The following ELAC2 variants were observed in gnomAD, a reference collection of about 807,000 sequenced individuals.
ELAC2 encodes elaC ribonuclease Z 2, also known as zinc phosphodiesterase ELAC protein 2.
ELAC2 carries 92 observed loss-of-function variants against 105.2 expected under a neutral mutation model. That is an observed-to-expected ratio of 0.87 (90% CI 0.74 to 1.04). The LOEUF is 1.04. ELAC2 is among the 50% of genes least tolerant of loss of function. The probability of loss-of-function intolerance (pLI) is 0.00; values close to 1 mark genes in which losing one functional copy is unlikely to be tolerated. For synonymous variants in ELAC2, 468 were observed against 409.1 expected (o/e 1.14, Z -1.74); for missense variants, 1,099 against 1,071.7 (o/e 1.03, Z -0.36).
intron 16 of ELAC2, among the ~76,000 whole-genome samples, chr17:12,998,088 A>G (rs1162033597): frequency 6.6e-6 from 1 of 152,224 alleles, no homozygotes; most frequent in African/African-American, 2.4e-5. Context: ...ACTCATCAAC[A>G]AAATGGGTAG....
rs1352591767 is a variant in ELAC2 at position 12,993,711 on chromosome 17, C to T, written c.2229G>A (p.Val743=). Residue 743 remains valine (V), a synonymous_variant, in exon 23 of 24, where the codon GTG becomes GTA. Transcript: ENST00000338034. ...CCTTCATGTGGTCAAAGGCAACTCCCACTTTCTCGCTGAAGTTGGGGCTGA... is the reference window on the plus strand; with the variant it reads ...CCTTCATGTGGTCAAAGGCAACTCCTACTTTCTCGCTGAAGTTGGGGCTGA... The part of the protein sequence containing the change: ...PLFSPNFSEK[V]GVAFDHMKVC... The T allele has an allele frequency of 1.9e-6, 3 of 1,614,086 alleles. No individual in the cohort carries two copies. The highest frequency in any genetic ancestry group is 2.5e-6 in the Non-Finnish European group (3 of 1,180,040).
chr17:13,017,779 T>G lies in ELAC2; in HGVS notation c.169A>C (p.Thr57Pro). ...GCTGCCACCACCTGCAGGTACACGG[T>G]GTTTGGGCCGCCGGAGCACCCCGAC... ...GPSGCSGGPN[T>P]VYLQVVAAGS... The change falls in exon 1 of 24, where the codon ACC becomes CCC. Residue 57 changes from threonine to proline, a missense_variant. Coordinates refer to ENST00000338034, the MANE Select transcript of ELAC2 (RefSeq NM_018127.7). The G allele has an allele frequency of 6.2e-7, 1 of 1,610,348 alleles. No homozygotes were observed. Among genetic ancestry groups the G allele is most frequent in the Non-Finnish European group, 8.5e-7 (1 of 1,178,876 alleles).
At chr17:13,014,576 C>T in intron 4 of ELAC2, 80 bp from the exon 5 acceptor site, 1 of 1,007,306 alleles carries the variant, frequency 9.9e-7, no homozygotes, top group Non-Finnish European at 1.6e-6. Flanking sequence ...TAAAAGGTTA[C>T]CAATAGGTAT....
chr17:13,003,410 G>A (rs899780964), intron 12 of ELAC2, 69 bp downstream of exon 12: 4 of 1,410,234 alleles, frequency 2.8e-6, no homozygotes, highest in Non-Finnish European at 4.0e-6. Flanking sequence ...AAGAGCACGA[G>A]GGGAGGAAAG....
chr17:12,999,964 G>C (rs1296347544), intron 15 of ELAC2, among the ~76,000 whole-genome samples, 192 bp downstream of exon 15: 1 of 152,128 alleles, frequency 6.6e-6, no homozygotes, highest in Non-Finnish European at 1.5e-5. Flanking sequence ...GCCAGGAATT[G>C]GGATTCTTAA....
At chr17:12,997,471 G>A (rs573491737) in intron 16 of ELAC2, among the ~76,000 whole-genome samples, 1 of 152,282 alleles carries the variant, frequency 6.6e-6, no homozygotes, top group South Asian at 2.1e-4. Flanking sequence ...GCGGAGGCAA[G>A]GTGGCAATAG....
At position 13,010,917 on chromosome 17, in the gene ELAC2, A is replaced by AT. The variant is rs560195478; in HGVS notation, c.680-247dup. Among the ~76,000 whole-genome samples the AT allele has an allele frequency of 7.5e-4, 114 of 152,282 alleles. No individual in the cohort carries two copies. The Middle Eastern group carries it at 0.01, about 14-fold the overall frequency. ...GAAAAACTTTAGAATGGCAAGTGAA[A>AT]TTTTTTTTAAATGACACATTTCACC... is the stretch of plus-strand genomic sequence containing the variant. On this transcript the variant is annotated intron_variant, in intron 7 of 23. Coordinates refer to ENST00000338034, the MANE Select transcript of ELAC2 (RefSeq NM_018127.7).
At chr17:12,996,794 T>C in intron 16 of ELAC2, 109 bp from the exon 17 acceptor site, 19 of 1,462,202 alleles carry the variant, frequency 1.3e-5, no homozygotes, top group Non-Finnish European at 1.8e-5. Flanking sequence ...GAAATTTCTG[T>C]CTCTCCTGCT....
Position 12,994,477 on chromosome 17 carries a change from C to T in ELAC2, c.2056G>A (p.Glu686Lys). ...MGKDATLLIH[E>K]ATLEDGLEEE... ...TCCAAACCATCTTCCAGGGTGGCTT[C>T]ATGTATCAGGAGGGTGGCATCTTTC... The change falls in exon 22 of 24, where the codon GAA (glutamate) becomes AAA (lysine). Residue 686 changes from glutamate to lysine, a missense_variant. By Grantham distance (56) the Glu-to-Lys change is moderately conservative (BLOSUM62 1). Transcript: ENST00000338034. The T allele has an allele frequency of 1.2e-6, 2 of 1,614,176 alleles. No individual in the cohort carries two copies. Among genetic ancestry groups the T allele is most frequent in the South Asian group, 1.1e-5 (1 of 91,086 alleles).
intron 14 of ELAC2, 36 bp from the exon 15 acceptor site, chr17:13,000,310 C>T (rs1171222084): frequency 1.3e-6 from 2 of 1,591,840 alleles, no homozygotes; most frequent in African/African-American, 2.7e-5. Flanking sequence ...AGGTGACGGA[C>T]AGGGTATATG....
At chr17:13,014,974 GCC>G (rs984032007) in intron 4 of ELAC2, among the ~76,000 whole-genome samples, 5 of 152,244 alleles carry the variant, frequency 3.3e-5, no homozygotes, top group African/African-American at 1.2e-4. Flanking sequence ...ATAAGAGTCA[GCC>G]CATGCAGCTG....
rs2040728962 is a variant in ELAC2 at position 13,000,483 on chromosome 17, G to C, written c.1305-209C>G. 4 of 612,976 alleles carry C rather than the reference G, an allele frequency of 6.5e-6. No homozygotes were observed. The South Asian group carries it at 7.2e-5, about 11-fold the overall frequency. 38.0% of individuals were successfully genotyped at this position (612,976 alleles called of 1,614,324 possible). On this transcript the variant is annotated intron_variant, in intron 14 of 23. Coordinates refer to ENST00000338034, the MANE Select transcript of ELAC2 (RefSeq NM_018127.7). ...CGCTCTGCCTCAGGGCCAGTCAACG[G>C]GGAACTACTGATGCTCAGGGCAAGA...
intron 8 of ELAC2, among the ~76,000 whole-genome samples, chr17:13,009,394 T>G (rs2041286293): frequency 6.6e-6 from 1 of 152,222 alleles, no homozygotes; most frequent in African/African-American, 2.4e-5. Context: ...CAAATTGTAT[T>G]GATAAAATTT....
In ELAC2 at chr17:13,015,844, G is replaced by A. The variant is rs755597257; in HGVS notation, c.368-12C>T. 9.9e-6 allele frequency: 16 copies of A among 1,610,960 alleles called. No individual in the cohort carries two copies. The highest frequency in any genetic ancestry group is 2.2e-5 in the East Asian group (1 of 44,864). Reference sequence around the variant, plus strand: ...AGTAAGAATCATTCCTAAAAAGGATGCATAAAATCAGATCTCTCATCAATT... The same window carrying A: ...AGTAAGAATCATTCCTAAAAAGGATACATAAAATCAGATCTCTCATCAATT... On this transcript the variant is annotated splice_polypyrimidine_tract_variant and intron_variant, in intron 3 of 23. Coordinates refer to ENST00000338034, the MANE Select transcript of ELAC2 (RefSeq NM_018127.7).
rs1335169943 is a variant in ELAC2 at position 13,013,268 on chromosome 17, C to G, written c.498G>C (p.Arg166=). 1.2e-6 allele frequency: 2 copies of G among 1,614,066 alleles called. No homozygotes were observed. Among genetic ancestry groups the G allele is most frequent in the Non-Finnish European group, 1.7e-6 (2 of 1,180,030 alleles). The change falls in exon 6 of 24, where the codon CGG becomes CGC. Residue 166 remains arginine (R), a synonymous_variant. Transcript: ENST00000338034. ...GPLKGIELAV[R]PHSAPEYEDE... ...CCTCGTATTCTGGGGCAGAGTGGGG[C>G]CGCACAGCTACAAGAAAACCACACA...
chr17:12,992,965 C>T lies in ELAC2; in HGVS notation c.2334G>A (p.Met778Ile), dbSNP rs1267381964. 12 of 1,610,950 alleles carry T rather than the reference C, an allele frequency of 7.4e-6. No individual in the cohort carries two copies. The highest frequency in any genetic ancestry group is 1.0e-5 in the Non-Finnish European group (12 of 1,180,028). ...GCTCCCGCTTCTCCCTGCGCTCCTC[C>T]ATCTCCTCGATGTCGCCAGCAAACA... ...KALFAGDIEEMEERREKRELR... is the reference protein window; with the variant it reads ...KALFAGDIEEIEERREKRELR... Residue 778 changes from methionine (M) to isoleucine (I), a missense_variant, in exon 24 of 24, where the codon ATG (methionine) becomes ATA (isoleucine). Coordinates refer to ENST00000338034, the MANE Select transcript of ELAC2 (RefSeq NM_018127.7).
intron 6 of ELAC2, among the ~76,000 whole-genome samples, chr17:13,012,884 C>T (rs1037590556): frequency 2.6e-5 from 4 of 152,100 alleles, no homozygotes; most frequent in Admixed American, 2.0e-4. Context: ...TCTTCATGAT[C>T]GTCTGATCAA....
At chr17:13,012,156 A>C (rs978688002) in intron 6 of ELAC2, among the ~76,000 whole-genome samples, 1 of 149,758 alleles carries the variant, frequency 6.7e-6, no homozygotes, top group East Asian at 2.5e-4. Flanking sequence ...AGATCAAGGG[A>C]AAAAAATTCG....
intron 22 of ELAC2, 136 bp from the exon 23 acceptor site, chr17:12,993,967 A>T: frequency 8.2e-7 from 1 of 1,226,806 alleles, no homozygotes; most frequent in Non-Finnish European, 1.2e-6. Flanking sequence ...GCACCTCCGT[A>T]GCCAGCACAA....
Sources: allele counts gnomAD v4.1 joint callset (sites outside exome capture counted in the v4.1 genomes callset), GRCh38; gene constraint gnomAD v4.1.1; transcripts MANE v1.5; gene names NCBI Gene and HGNC (gene_info 2026-07-23, HGNC 2026-07-21).